The following BTC variants were observed in gnomAD, a reference collection of about 807,000 sequenced individuals.
BTC encodes probetacellulin.
BTC carries 13 observed loss-of-function variants against 18.1 expected under a neutral mutation model. That is an observed-to-expected ratio of 0.72 (90% CI 0.47 to 1.14). BTC has a LOEUF of 1.14. Among genes scored for constraint, BTC ranks in the 50% most tolerant of loss-of-function variants. The probability of loss-of-function intolerance (pLI) is 0.00; values close to 1 mark genes in which losing one functional copy is unlikely to be tolerated. For synonymous variants in BTC, 83 were observed against 79.4 expected, an observed-to-expected ratio of 1.05 and a Z score of -0.24; for missense variants, 247 against 224.2, an observed-to-expected ratio of 1.10 and a Z score of -0.65.
chr4:74,791,051 A>G (rs1194943033), intron 1 of BTC, among the ~76,000 whole-genome samples: 1 of 152,224 alleles, frequency 6.6e-6, no homozygotes, highest in Admixed American at 6.5e-5. Flanking sequence ...CTCCCTAGAC[A>G]GGACATTCTG....
chr4:74,784,232 GAAAAAAA>G (rs58751452), intron 1 of BTC, among the ~76,000 whole-genome samples: 5 of 79,634 alleles, frequency 6.3e-5, no homozygotes, highest in East Asian at 3.7e-4. Flanking sequence ...ATTCTCTCTC[GAAAAAAA>G]AAAAAAAAAA....
intron 3 of BTC, among the ~76,000 whole-genome samples, chr4:74,753,853 G>A (rs1316363622): frequency 6.6e-6 from 1 of 152,128 alleles, no homozygotes; most frequent in Non-Finnish European, 1.5e-5. Context: ...TTCTTAAAAA[G>A]TGGGAACTTT....
intron 2 of BTC, among the ~76,000 whole-genome samples, chr4:74,764,785 C>T (rs1048485345): frequency 1.1e-4 from 17 of 152,074 alleles, no homozygotes; most frequent in Non-Finnish European, 1.8e-4. Context: ...TATGAAGATG[C>T]TGTATTAGTC....
intron 1 of BTC, among the ~76,000 whole-genome samples, chr4:74,792,599 T>C (rs927581450): frequency 6.6e-5 from 10 of 152,210 alleles, no homozygotes; most frequent in Non-Finnish European, 1.5e-4. Context: ...ATTGATTCTG[T>C]TCCAAATATT....
intron 1 of BTC, among the ~76,000 whole-genome samples, chr4:74,789,551 T>G (rs971772776): frequency 6.6e-6 from 1 of 152,190 alleles, no homozygotes; most frequent in African/African-American, 2.4e-5. Context: ...GTGAGAAAAT[T>G]ACACAAAAGG....
rs534027082 is a variant in BTC at position 74,745,688 on chromosome 4, C to G, written c.*989G>C. On this transcript the variant is annotated 3_prime_UTR_variant, in exon 6 of 6. Coordinates refer to ENST00000395743, the MANE Select transcript of BTC (RefSeq NM_001729.4). ...ACATAAATGAGGATATGGTCACAAC[C>G]GGTCCCTACCTGGTCTCTCCAGTGT... The G allele has an allele frequency of 3.3e-5, 5 of 152,090 alleles. No homozygotes were observed. The highest frequency in any genetic ancestry group is 6.5e-5 in the Admixed American group (1 of 15,270). The allele number at this position is 152,090 out of a possible 1,614,324, so 9.4% of individuals were successfully genotyped here. A position where few individuals can be genotyped will look rare whatever the true frequency, so the allele number is the denominator to read the frequency against.
Position 74,745,249 on chromosome 4 carries a change from T to G in BTC, c.*1428A>C, listed in dbSNP as rs1210645364. ...TAGCTTTTACTAATAGGGGAGCTAT[T>G]TATGTATCATATGTAAGTACAGCCC... On this transcript the variant is annotated 3_prime_UTR_variant, in exon 6 of 6. Coordinates refer to ENST00000395743, the MANE Select transcript of BTC (RefSeq NM_001729.4). 1 of 152,218 alleles carries G rather than the reference T, an allele frequency of 6.6e-6. No individual in the cohort carries two copies. Among genetic ancestry groups the G allele is most frequent in the Non-Finnish European group, 1.5e-5 (1 of 68,038 alleles). 9.4% of individuals were successfully genotyped at this position (152,218 alleles called of 1,614,324 possible). A position where few individuals can be genotyped will look rare whatever the true frequency, so the allele number is the denominator to read the frequency against.
intron 2 of BTC, among the ~76,000 whole-genome samples, chr4:74,765,392 A>C (rs1279611090): frequency 6.6e-6 from 1 of 152,150 alleles, no homozygotes; most frequent in Non-Finnish European, 1.5e-5. Context: ...GAAAGACAGA[A>C]TCAGCAAACT....
intron 1 of BTC, among the ~76,000 whole-genome samples, chr4:74,791,016 G>A (rs1380813646): frequency 1.3e-5 from 2 of 152,274 alleles, no homozygotes; most frequent in East Asian, 1.9e-4. Flanking sequence ...GCAACGCAAC[G>A]TCTCTGCACT....
At chr4:74,784,528 T>C (rs1258316903) in intron 1 of BTC, among the ~76,000 whole-genome samples, 1 of 152,184 alleles carries the variant, frequency 6.6e-6, no homozygotes, top group Non-Finnish European at 1.5e-5. Context: ...TGCTTGCAGC[T>C]TTTGCCCATT....
intron 1 of BTC, among the ~76,000 whole-genome samples, chr4:74,792,501 C>A (rs1336022661): frequency 6.6e-6 from 1 of 152,184 alleles, no homozygotes; most frequent in Non-Finnish European, 1.5e-5. Flanking sequence ...CTATACTGCA[C>A]CTCACTGACA....
intron 1 of BTC, among the ~76,000 whole-genome samples, chr4:74,778,738 G>A (rs954103290): frequency 6.6e-6 from 1 of 152,116 alleles, no homozygotes; most frequent in Non-Finnish European, 1.5e-5. Context: ...TGACAGAGAG[G>A]CCAGAACTCA....
chr4:74,763,647 A>T (rs1553957544), intron 2 of BTC, among the ~76,000 whole-genome samples: 1 of 152,158 alleles, frequency 6.6e-6, no homozygotes, highest in Admixed American at 6.5e-5. Context: ...AACATACAAC[A>T]GTAGTGAGAA....
At position 74,794,330 on chromosome 4, in the gene BTC, C is replaced by T. The variant is rs1725715927; in HGVS notation, c.-5G>A. ...GCACCGGGCGGCCCGGTCCATCAAC[C>T]CCGCTCTGCCGGGCCGGGCAGCCCC... On this transcript the variant is annotated 5_prime_UTR_variant, in exon 1 of 6. Coordinates refer to ENST00000395743, the MANE Select transcript of BTC (RefSeq NM_001729.4). 1 of 1,544,276 alleles carries T rather than the reference C, an allele frequency of 6.5e-7. No homozygotes were observed. The highest frequency in any genetic ancestry group is 1.4e-5 in the African/African-American group (1 of 72,834).
At chr4:74,773,605 A>T (rs1405684714) in intron 1 of BTC, among the ~76,000 whole-genome samples, 1 of 144,416 alleles carries the variant, frequency 6.9e-6, no homozygotes, top group East Asian at 2.0e-4. Context: ...TTCTGGTAAG[A>T]TAGACACAAA....
intron 1 of BTC, among the ~76,000 whole-genome samples, chr4:74,773,985 A>G (rs1252233131): frequency 6.6e-6 from 1 of 152,232 alleles, no homozygotes; most frequent in Non-Finnish European, 1.5e-5. Flanking sequence ...AGGATAGAGA[A>G]TCAACTCTGC....
At chr4:74,783,246 G>C (rs536992917) in intron 1 of BTC, among the ~76,000 whole-genome samples, 2 of 152,150 alleles carry the variant, frequency 1.3e-5, no homozygotes, top group Non-Finnish European at 2.9e-5. Context: ...TGACATTTAA[G>C]TATTTCATCC....
intron 1 of BTC, among the ~76,000 whole-genome samples, chr4:74,773,158 G>A (rs538141897): frequency 2.6e-4 from 40 of 152,296 alleles, no homozygotes; most frequent in African/African-American, 7.7e-4. Flanking sequence ...CATTTGCCTG[G>A]CCTGCACAGT....
In BTC at chr4:74,753,661, G is replaced by A. The variant is rs145324760; in HGVS notation, c.281+2198C>T. Among the ~76,000 whole-genome samples, 470 of 152,248 alleles carry A rather than the reference G, an allele frequency of 3.1e-3. 1 individual carries two copies. The highest frequency in any genetic ancestry group is 5.7e-3 in the Non-Finnish European group (385 of 68,014). ...AAGACAGTGTTATCACCAATGGCAA[G>A]AGAGTTTTGCCTGAATCTGTGCTAT... On this transcript the variant is annotated intron_variant, in intron 3 of 5. Coordinates refer to ENST00000395743, the MANE Select transcript of BTC (RefSeq NM_001729.4).
Sources: gnomAD v4.1 joint callset for allele counts (sites outside exome capture counted in the v4.1 genomes callset) on GRCh38, gnomAD v4.1.1 for gene constraint, MANE v1.5 for transcripts, NCBI Gene and HGNC (gene_info 2026-07-23, HGNC 2026-07-21) for gene names.